Variants in FBXW10B observed in about 807,000 individuals in gnomAD.
The protein encoded by FBXW10B is F-box and WD repeat domain containing 10B.
At chr17:15,619,023 C>G in the FBXW10B span, 2 of 1,613,518 alleles carry the variant, frequency 1.2e-6, no homozygotes, top group Non-Finnish European at 1.7e-6. Flanking sequence ...ATATTGTTCT[C>G]CTCTCTCAGA....
At chr17:15,580,891 G>A in the FBXW10B span, among the ~76,000 whole-genome samples, 3 of 152,026 alleles carry the variant, frequency 2.0e-5, no homozygotes, top group Non-Finnish European at 4.4e-5. Context: ...CACTTTTTAA[G>A]TGCTTTATTT....
At chr17:15,619,584 G>A in the FBXW10B span, 29 of 1,537,374 alleles carry the variant, frequency 1.9e-5, no homozygotes, top group Non-Finnish European at 2.2e-5. Context: ...CTAGAGGAAC[G>A]GGGGGAAATG....
At chr17:15,570,076 G>A in the FBXW10B span, among the ~76,000 whole-genome samples, 1 of 152,196 alleles carries the variant, frequency 6.6e-6, no homozygotes, top group Non-Finnish European at 1.5e-5. Context: ...CGTGGAGCTT[G>A]CATGCTAGCC....
chr17:15,592,945 A>T, the FBXW10B span, among the ~76,000 whole-genome samples: 1 of 151,162 alleles, frequency 6.6e-6, no homozygotes, highest in African/African-American at 2.4e-5. Context: ...TCTACTAAAA[A>T]TACTAAAAAT....
At chr17:15,569,301 T>A in the FBXW10B span, among the ~76,000 whole-genome samples, 2 of 152,116 alleles carry the variant, frequency 1.3e-5, no homozygotes, top group African/African-American at 4.8e-5. Context: ...CATCAACATC[T>A]TCATTTTTTA....
At chr17:15,565,961 G>A in the FBXW10B span, 101 of 1,587,838 alleles carry the variant, frequency 6.4e-5, 5 homozygotes, top group Non-Finnish European at 8.0e-5. Context: ...ATAATCATGG[G>A]CTCGGGTATG....
At chr17:15,565,492 T>A in the FBXW10B span, 1 of 1,591,212 alleles carries the variant, frequency 6.3e-7, no homozygotes, top group African/African-American at 1.4e-5. Context: ...TCCGCTTGGC[T>A]TTCTGTTTAT....
At chr17:15,567,407 T>C in the FBXW10B span, among the ~76,000 whole-genome samples, 1 of 152,164 alleles carries the variant, frequency 6.6e-6, no homozygotes, top group African/African-American at 2.4e-5. Flanking sequence ...ATTTGTCTTT[T>C]TTCAAATGAT....
At chr17:15,594,773 A>C in the FBXW10B span, 5 of 1,613,934 alleles carry the variant, frequency 3.1e-6, no homozygotes, top group African/African-American at 6.7e-5. Context: ...GCCATCAGGC[A>C]GCGCTCGTAC....
the FBXW10B span, among the ~76,000 whole-genome samples, chr17:15,590,029 T>TGGGA: frequency 2.6e-5 from 4 of 152,134 alleles, no homozygotes; most frequent in Non-Finnish European, 4.4e-5. Flanking sequence ...CCCATCCACG[T>TGGGA]GGGAGGCAGT....
the FBXW10B span, among the ~76,000 whole-genome samples, chr17:15,580,040 G>A: frequency 6.6e-6 from 1 of 151,144 alleles, no homozygotes. Context: ...CTCAAGCAGT[G>A]ATGCTCAGTA....
the FBXW10B span, chr17:15,571,498 T>C: frequency 1.3e-5 from 2 of 152,110 alleles, no homozygotes; most frequent in East Asian, 1.9e-4. Flanking sequence ...ATTAGCATAA[T>C]TAACATTTAT....
At chr17:15,596,622 T>C in the FBXW10B span, 1 of 1,613,472 alleles carries the variant, frequency 6.2e-7, no homozygotes, top group East Asian at 2.2e-5. Flanking sequence ...GGTCTTTGTG[T>C]CTAAACGTCT....
At chr17:15,600,076 C>T in the FBXW10B span, among the ~76,000 whole-genome samples, 1 of 151,572 alleles carries the variant, frequency 6.6e-6, no homozygotes, top group Admixed American at 6.6e-5. Context: ...ATTAGCCGGG[C>T]GTGGTGGCAG....
chr17:15,608,312 C>A, the FBXW10B span, among the ~76,000 whole-genome samples: 2 of 148,168 alleles, frequency 1.3e-5, no homozygotes, highest in Non-Finnish European at 3.0e-5. Context: ...CAAGCGTGCA[C>A]CACCATGCCC....
chr17:15,618,693 T>A, the FBXW10B span, among the ~76,000 whole-genome samples: 3 of 152,162 alleles, frequency 2.0e-5, no homozygotes, highest in African/African-American at 7.2e-5. Context: ...ACACCAGCAT[T>A]AAGGGGTCAG....
the FBXW10B span, chr17:15,594,696 C>T: frequency 2.5e-5 from 40 of 1,595,882 alleles, no homozygotes; most frequent in Admixed American, 5.0e-5. Flanking sequence ...TAGGCTATGA[C>T]GGGGAAGGGA....
the FBXW10B span, among the ~76,000 whole-genome samples, chr17:15,607,873 T>C: frequency 6.7e-6 from 1 of 148,888 alleles, no homozygotes; most frequent in East Asian, 2.0e-4. Context: ...TTAGAAAATG[T>C]TGGGTCAAGG....
chr17:15,615,835 G>A, the FBXW10B span: 1 of 1,613,808 alleles, frequency 6.2e-7, no homozygotes, highest in South Asian at 1.1e-5. Context: ...CCAAGACAAG[G>A]TTGCTCTTGA....
Sources: allele counts gnomAD v4.1 joint callset (sites outside exome capture counted in the v4.1 genomes callset), GRCh38; gene constraint gnomAD v4.1.1; transcripts MANE v1.5; gene names NCBI Gene and HGNC (gene_info 2026-07-23, HGNC 2026-07-21).